FBXL17: variants seen among roughly 807,000 people sequenced by gnomAD.
FBXL17 encodes the protein F-box and leucine rich repeat protein 17, also known as F-box/LRR-repeat protein 17.
A neutral mutation model predicts 66.2 loss-of-function variants in FBXL17; 22 were observed. The ratio of observed to expected loss-of-function variants is 0.33; its 90% CI spans 0.24 to 0.47. The LOEUF is 0.47. FBXL17 is among the 20% of genes least tolerant of loss of function. The pLI, the probability that FBXL17 is intolerant of heterozygous loss-of-function variation, is 1.00. For synonymous variants in FBXL17, 474 were observed against 400.5 expected (o/e 1.18, Z -2.19); for missense variants, 878 against 948.2 (o/e 0.93, Z 0.97).
chr5:108,281,904 ACC>A (rs1471989948), intron 4 of FBXL17, among the ~76,000 whole-genome samples: 1 of 151,894 alleles, frequency 6.6e-6, no homozygotes, highest in African/African-American at 2.4e-5. Context: ...AAACTAGAAA[ACC>A]CAGAGGAAAT....
intron 6 of FBXL17, among the ~76,000 whole-genome samples, chr5:108,107,594 C>T (rs1383692837): frequency 2.6e-5 from 4 of 151,894 alleles, no homozygotes; most frequent in East Asian, 3.9e-4. Flanking sequence ...GGGCAGATCA[C>T]GAGGTCAGGA....
chr5:107,904,893 T>C (rs964232094), intron 7 of FBXL17, among the ~76,000 whole-genome samples: 5 of 151,932 alleles, frequency 3.3e-5, no homozygotes, highest in East Asian at 1.9e-4. Flanking sequence ...ACCCCCAATT[T>C]TGCGGCAGGA....
chr5:108,191,454 A>T (rs531103330), intron 5 of FBXL17, among the ~76,000 whole-genome samples: 3 of 152,340 alleles, frequency 2.0e-5, no homozygotes, highest in African/African-American at 7.2e-5. Flanking sequence ...ACATATCAAC[A>T]AGAAGATGGT....
rs183462487 is a variant in FBXL17 at position 108,144,167 on chromosome 5, A to G, written c.1745+41950T>C. Among the ~76,000 whole-genome samples the G allele has an allele frequency of 1.3e-4, 20 of 152,278 alleles. No individual in the cohort carries two copies. In the East Asian group the frequency reaches 3.3e-3, roughly 25 times the overall value. ...ATCTTAACTTAAAAAGAGGTTTTCTATTTGAACCATTTCTCAAACCAAGGA... is the reference window on the plus strand; with the variant it reads ...ATCTTAACTTAAAAAGAGGTTTTCTGTTTGAACCATTTCTCAAACCAAGGA... On this transcript the variant is annotated intron_variant, in intron 6 of 8. Coordinates refer to ENST00000542267, the MANE Select transcript of FBXL17 (RefSeq NM_001163315.3).
At chr5:107,879,699 G>C in intron 8 of FBXL17, 10 of 985,446 alleles carry the variant, frequency 1.0e-5, no homozygotes, top group Non-Finnish European at 1.2e-5. Context: ...TTTGAATGGC[G>C]TGTCTATTTA....
chr5:108,344,692 G>C (rs1036801767), intron 4 of FBXL17, among the ~76,000 whole-genome samples: 1 of 152,138 alleles, frequency 6.6e-6, no homozygotes, highest in Non-Finnish European at 1.5e-5. Flanking sequence ...ACCCAAAGAG[G>C]TTCTCTGTCC....
rs553426460 is a variant in FBXL17, at chr5:108,054,889, C to A, written c.1746-33888G>T. ...CCCTAGTTAGTCTGCCTCTTCTCTT[C>A]CCCATTTAGAGTCTTCTTATGTTTG... On this transcript the variant is annotated intron_variant, in intron 6 of 8. Transcript: ENST00000542267. Among the ~76,000 whole-genome samples the A allele has an allele frequency of 1.2e-4, 19 of 152,242 alleles. No individual in the cohort carries two copies. In the South Asian group the frequency reaches 3.7e-3, roughly 30 times the overall value.
At chr5:107,900,617 AACT>A (rs1749542727) in intron 7 of FBXL17, among the ~76,000 whole-genome samples, 1 of 152,186 alleles carries the variant, frequency 6.6e-6, no homozygotes, top group Non-Finnish European at 1.5e-5. Flanking sequence ...ATATGCTTAT[AACT>A]ACTATGTGCT....
intron 6 of FBXL17, among the ~76,000 whole-genome samples, chr5:108,128,144 G>C (rs1750792524): frequency 6.6e-6 from 1 of 151,692 alleles, no homozygotes; most frequent in Admixed American, 6.6e-5. Flanking sequence ...TACTGGGGAG[G>C]ATGAAGCACA....
intron 7 of FBXL17, among the ~76,000 whole-genome samples, chr5:107,901,110 A>G (rs896937964): frequency 3.3e-5 from 5 of 152,214 alleles, no homozygotes; most frequent in African/African-American, 7.2e-5. Context: ...GTTACATAAT[A>G]TTTGTAACGA....
intron 5 of FBXL17, among the ~76,000 whole-genome samples, chr5:108,223,156 T>C (rs1244986956): frequency 1.3e-5 from 2 of 152,164 alleles, no homozygotes; most frequent in African/African-American, 4.8e-5. Flanking sequence ...TCCTATTCAC[T>C]GTATGATCCT....
chr5:108,301,948 A>G (rs1226867879), intron 4 of FBXL17: 23 of 777,376 alleles, frequency 3.0e-5, no homozygotes, highest in Non-Finnish European at 3.4e-5. Flanking sequence ...TTGATAAGCT[A>G]TAACAGGATA....
chr5:108,299,580 G>T (rs1214990262), intron 4 of FBXL17: 1 of 971,734 alleles, frequency 1.0e-6, no homozygotes, highest in Admixed American at 6.2e-5. Flanking sequence ...AAGCTCCCTG[G>T]CGTTTTACTT....
chr5:108,076,774 C>T (rs933887276), intron 6 of FBXL17, among the ~76,000 whole-genome samples: 2 of 152,152 alleles, frequency 1.3e-5, no homozygotes. Flanking sequence ...CTTTCAAAGT[C>T]TGAAAAGAAA....
chr5:107,888,383 T>C (rs1364046448), intron 7 of FBXL17, among the ~76,000 whole-genome samples: 1 of 152,184 alleles, frequency 6.6e-6, no homozygotes, highest in Non-Finnish European at 1.5e-5. Context: ...GAAGCATAAC[T>C]AACTGTAGAA....
intron 4 of FBXL17, among the ~76,000 whole-genome samples, chr5:108,244,910 T>C (rs1052355983): frequency 1.3e-5 from 2 of 152,166 alleles, no homozygotes; most frequent in African/African-American, 4.8e-5. Context: ...CAAATAACTG[T>C]TTGATACTTG....
intron 4 of FBXL17, among the ~76,000 whole-genome samples, chr5:108,240,759 C>G (rs1755820083): frequency 6.6e-6 from 1 of 152,162 alleles, no homozygotes; most frequent in Non-Finnish European, 1.5e-5. Context: ...TGGGCAAGAC[C>G]CAGTGCTATT....
intron 4 of FBXL17, among the ~76,000 whole-genome samples, chr5:108,300,653 G>A (rs1205653455): frequency 1.3e-5 from 2 of 151,754 alleles, no homozygotes; most frequent in East Asian, 3.9e-4. Context: ...CTGGAGGGCA[G>A]CTTCTAGACC....
chr5:108,224,528 TACACACACACACACAC>T (rs138044828), intron 4 of FBXL17, among the ~76,000 whole-genome samples: 2 of 147,258 alleles, frequency 1.4e-5, no homozygotes, highest in African/African-American at 2.5e-5. Flanking sequence ...TGTATATGTA[TACACACACACACACAC>T]ACACACACAC....
Sources: allele counts gnomAD v4.1 joint callset (sites outside exome capture counted in the v4.1 genomes callset), GRCh38; gene constraint gnomAD v4.1.1; transcripts MANE v1.5; gene names NCBI Gene and HGNC (gene_info 2026-07-23, HGNC 2026-07-21).